FAM53A: variants seen among roughly 807,000 people sequenced by gnomAD.
FAM53A encodes family with sequence similarity 53 member A, also known as protein FAM53A.
A neutral mutation model predicts 26.6 loss-of-function variants in FAM53A; 28 were observed. The ratio of observed to expected loss-of-function variants is 1.05; its 90% CI spans 0.78 to 1.45. FAM53A has a LOEUF of 1.45. FAM53A is among the 40% of genes most tolerant of loss of function. The pLI is 0.00. For missense variants in FAM53A, 650 were observed against 575.8 expected, an observed-to-expected ratio of 1.13 and a Z score of -1.32; for synonymous variants, 290 against 253.1, an observed-to-expected ratio of 1.15 and a Z score of -1.38.
chr4:1,649,838 C>T (rs1057430530), intron 4 of FAM53A, among the ~76,000 whole-genome samples: 4 of 150,276 alleles, frequency 2.7e-5, no homozygotes, highest in Middle Eastern at 3.4e-3. Context: ...TGAGGTGGCT[C>T]AGGTGTGGTG....
At chr4:1,658,484 C>T (rs1187633111) in intron 2 of FAM53A, among the ~76,000 whole-genome samples, 1 of 152,212 alleles carries the variant, frequency 6.6e-6, no homozygotes, top group Admixed American at 6.5e-5. Flanking sequence ...CCCTTTCCCA[C>T]CTGCAACAGC....
chr4:1,637,041 G>T (rs753591356), downstream of FAM53A, among the ~76,000 whole-genome samples: 1 of 152,208 alleles, frequency 6.6e-6, no homozygotes, highest in Non-Finnish European at 1.5e-5. Context: ...ACCAGAGCAC[G>T]GGCAGGCTCC....
At chr4:1,651,890 GT>G (rs1425952637) in intron 4 of FAM53A, among the ~76,000 whole-genome samples, 1 of 151,890 alleles carries the variant, frequency 6.6e-6, no homozygotes, top group African/African-American at 2.4e-5. Context: ...CACGGCTCCA[GT>G]TCCCACACAG....
intron 2 of FAM53A, among the ~76,000 whole-genome samples, chr4:1,663,318 G>A (rs540230836): frequency 6.6e-6 from 1 of 152,280 alleles, no homozygotes; most frequent in South Asian, 2.1e-4. Flanking sequence ...CATATGACCT[G>A]GCAATCCCAC....
the FAM53A span, among the ~76,000 whole-genome samples, chr4:1,600,233 G>T: frequency 6.6e-6 from 1 of 152,130 alleles, no homozygotes; most frequent in Non-Finnish European, 1.5e-5. Flanking sequence ...TCCAGAAGGG[G>T]TCAGAGTTGG....
chr4:1,682,253 T>A (rs1244631998), intron 1 of FAM53A, among the ~76,000 whole-genome samples: 1 of 148,724 alleles, frequency 6.7e-6, no homozygotes, highest in Non-Finnish European at 1.5e-5. Context: ...TATATAAAAA[T>A]TTTTAATTTC....
rs1404489789 is a variant in FAM53A, at chr4:1,659,139, C to T, written c.76-1671G>A. 6.6e-6 allele frequency among the ~76,000 whole-genome samples: 1 copy of T among 152,248 alleles called. No homozygotes were observed. Among genetic ancestry groups the T allele is most frequent in the African/African-American group, 2.4e-5 (1 of 41,468 alleles). On this transcript the variant is annotated intron_variant, in intron 2 of 4. Coordinates refer to ENST00000308132, the MANE Select transcript of FAM53A (RefSeq NM_001174070.3). This position sits in a 1 kb window ranked among gnomAD's most constrained non-coding sequence, Gnocchi z 5.2. ...ACACGGGGTCCCACCTCAGCCAGCA[C>T]GGCGGTGTGGAGCTGTGAGCACCCG...
chr4:1,640,342 G>GA lies in FAM53A; in HGVS notation c.*950_*951insT. 4.5e-6 allele frequency: 1 copy of GA among 223,512 alleles called. No individual in the cohort carries two copies. The highest frequency in any genetic ancestry group is 8.7e-6 in the Non-Finnish European group (1 of 115,254). 13.8% of individuals were successfully genotyped at this position (223,512 alleles called of 1,614,324 possible). The stretch of plus-strand genomic sequence containing the variant: ...CCCCAAGCACCGTGACCCGTCGGGA[G>GA]GGGGGGACACACGGGGCCAGTGGGA... On this transcript the variant is annotated 3_prime_UTR_variant, in exon 5 of 5. Coordinates refer to ENST00000308132, the MANE Select transcript of FAM53A (RefSeq NM_001174070.3).
intron 1 of FAM53A, among the ~76,000 whole-genome samples, chr4:1,620,381 G>A (rs1254918234): frequency 6.6e-6 from 1 of 152,006 alleles, no homozygotes; most frequent in Non-Finnish European, 1.5e-5. Context: ...ACTTTGTCTT[G>A]GAGCAAGGGA....
At chr4:1,657,645 T>C (rs1449518841) in intron 2 of FAM53A, among the ~76,000 whole-genome samples, 177 bp from the exon 3 acceptor site, 2 of 152,188 alleles carry the variant, frequency 1.3e-5, no homozygotes, top group Non-Finnish European at 2.9e-5. Flanking sequence ...ATGGACAATT[T>C]TTTATTTTTT....
At chr4:1,614,105 A>G (rs1485192850), downstream of FAM53A, among the ~76,000 whole-genome samples, 2 of 152,128 alleles carry the variant, frequency 1.3e-5, no homozygotes, top group Non-Finnish European at 2.9e-5. Flanking sequence ...CACCTGCCAC[A>G]CTCGGTGTGG....
the FAM53A span, among the ~76,000 whole-genome samples, chr4:1,586,902 T>G: frequency 6.6e-6 from 1 of 152,220 alleles, no homozygotes; most frequent in South Asian, 2.1e-4. Context: ...CCAACACTTG[T>G]TATCTTTCAT....
rs3752744 is a variant in FAM53A at position 1,640,728 on chromosome 4, A to G, written c.*565T>C. The G allele has an allele frequency of 0.33, 99,993 of 301,146 alleles. 20,696 individuals carry two copies. Among genetic ancestry groups the G allele is most frequent in the African/African-American group, 0.51 (16,293 of 31,898 alleles). 18.7% of individuals were successfully genotyped at this position (301,146 alleles called of 1,614,324 possible). Reference sequence around the variant, plus strand: ...CAGGCGGCAGCCGTGGCCCCGACCAACTCACAGGAAACCTACTCTGTGCCC... The same window carrying G: ...CAGGCGGCAGCCGTGGCCCCGACCAGCTCACAGGAAACCTACTCTGTGCCC... On this transcript the variant is annotated 3_prime_UTR_variant, in exon 5 of 5. Coordinates refer to ENST00000308132, the MANE Select transcript of FAM53A (RefSeq NM_001174070.3).
intron 1 of FAM53A, among the ~76,000 whole-genome samples, chr4:1,679,051 T>C (rs571414630): frequency 2.4e-4 from 37 of 152,198 alleles, no homozygotes; most frequent in African/African-American, 8.4e-4. Flanking sequence ...AAATATCTGC[T>C]CTGCAAAAGA....
At chr4:1,674,716 A>G (rs1714915766) in intron 1 of FAM53A, among the ~76,000 whole-genome samples, 1 of 152,152 alleles carries the variant, frequency 6.6e-6, no homozygotes, top group African/African-American at 2.4e-5. Context: ...CCTATTTCTA[A>G]ATAAAGTCAC....
rs1049716417 is a variant in FAM53A, at chr4:1,630,735, G to A, written c.432-12624C>T. Among the ~76,000 whole-genome samples, 1 of 152,202 alleles carries A rather than the reference G, an allele frequency of 6.6e-6. No individual in the cohort carries two copies. Among genetic ancestry groups the A allele is most frequent in the African/African-American group, 2.4e-5 (1 of 41,456 alleles). On this transcript the variant is annotated intron_variant, in intron 1 of 1. Transcript: ENST00000489029. This position sits in a 1 kb window ranked among gnomAD's most constrained non-coding sequence, Gnocchi z 4.3. ...GCTCCACAGAGACAACAAGCGGAGG[G>A]GAGGCTGCCAGGGCAGGGCAGGGTG...
At chr4:1,650,886 C>T (rs968973094) in intron 4 of FAM53A, among the ~76,000 whole-genome samples, 1 of 151,798 alleles carries the variant, frequency 6.6e-6, no homozygotes, top group Non-Finnish European at 1.5e-5. Flanking sequence ...ACAGTGCTCA[C>T]GCATCTTCAT....
intron 1 of FAM53A, among the ~76,000 whole-genome samples, chr4:1,619,251 G>A (rs1037210420): frequency 2.6e-5 from 4 of 152,260 alleles, no homozygotes; most frequent in African/African-American, 7.2e-5. Flanking sequence ...ACCTTGTGGC[G>A]AGCGGCCCCT....
At chr4:1,576,350 C>T in the FAM53A span, among the ~76,000 whole-genome samples, 7 of 152,210 alleles carry the variant, frequency 4.6e-5, no homozygotes, top group African/African-American at 1.7e-4. Context: ...CGGCAGTAAT[C>T]GCAGAGAATC....
Sources: gnomAD v4.1 joint callset for allele counts (sites outside exome capture counted in the v4.1 genomes callset) on GRCh38, gnomAD v4.1.1 for gene constraint, Gnocchi (gnomAD v3.1) non-coding constraint, MANE v1.5 for transcripts, NCBI Gene and HGNC (gene_info 2026-07-23, HGNC 2026-07-21) for gene names.